CLEC5A: variants seen among roughly 807,000 people sequenced by gnomAD.
CLEC5A encodes C-type lectin domain family 5 member A.
In CLEC5A, 15 loss-of-function variants were observed where a neutral mutation model predicts 24.4. The ratio of observed to expected loss-of-function variants is 0.62; its 90% CI spans 0.41 to 0.95. The LOEUF (loss-of-function observed/expected upper bound fraction) is 0.95. Ranked by LOEUF, CLEC5A falls within the 40% of genes least tolerant of loss-of-function variation. The probability of loss-of-function intolerance (pLI) is 0.00; values close to 1 mark genes in which losing one functional copy is unlikely to be tolerated. For synonymous variants in CLEC5A, 71 were observed against 72.6 expected, an observed-to-expected ratio of 0.98 and a Z score of 0.11; for missense variants, 211 against 224.0, an observed-to-expected ratio of 0.94 and a Z score of 0.37.
intron 4 of CLEC5A, among the ~76,000 whole-genome samples, chr7:141,940,444 C>T (rs537038010): frequency 6.6e-6 from 1 of 151,094 alleles, no homozygotes; most frequent in African/African-American, 2.4e-5. Flanking sequence ...GAAGTTTATA[C>T]CTATAAGTGC....
chr7:141,935,097 G>T (rs2128960975), intron 5 of CLEC5A, among the ~76,000 whole-genome samples: 1 of 152,284 alleles, frequency 6.6e-6, no homozygotes, highest in Non-Finnish European at 1.5e-5. Flanking sequence ...ATTCAGAAAG[G>T]AGAAGTTCTT....
At chr7:141,931,634 G>C (rs782715095) in intron 6 of CLEC5A, 86 bp downstream of exon 6, 1 of 778,826 alleles carries the variant, frequency 1.3e-6, no homozygotes, top group Non-Finnish European at 2.4e-6. Flanking sequence ...CAGCGTTTGA[G>C]CTATTCCAGG....
intron 4 of CLEC5A, among the ~76,000 whole-genome samples, chr7:141,939,484 C>A (rs184466168): frequency 6.6e-6 from 1 of 151,520 alleles, no homozygotes; most frequent in African/African-American, 2.4e-5. Flanking sequence ...GAGAAAATCA[C>A]CTTCACTAAA....
chr7:141,942,203 A>C (rs1280688505), intron 4 of CLEC5A, among the ~76,000 whole-genome samples: 2 of 152,136 alleles, frequency 1.3e-5, no homozygotes, highest in Non-Finnish European at 2.9e-5. Flanking sequence ...TTAGTTACCA[A>C]AATGCCATGG....
At chr7:141,935,526 A>C (rs573407286) in intron 5 of CLEC5A, among the ~76,000 whole-genome samples, 1 of 152,320 alleles carries the variant, frequency 6.6e-6, no homozygotes, top group Non-Finnish European at 1.5e-5. Flanking sequence ...GCTTCACTTT[A>C]AATGTCTTGG....
Position 141,934,862 on chromosome 7 carries a change from A to G in CLEC5A, c.345+952T>C, listed in dbSNP as rs184416020. ...TGATGACCTTTTTCATCACCAAGGA[A>G]AAGGTACATGGATGTGTTTTGGTCA... On this transcript the variant is annotated intron_variant, in intron 5 of 6. Transcript: ENST00000546910. Among the ~76,000 whole-genome samples the G allele has an allele frequency of 1.1e-3, 165 of 152,118 alleles. 1 individual carries two copies. Among genetic ancestry groups the G allele is most frequent in the African/African-American group, 3.9e-3 (161 of 41,500 alleles).
rs147846624 is a variant in CLEC5A, at chr7:141,938,140, C to T, written c.209-2190G>A. On this transcript the variant is annotated intron_variant, in intron 4 of 6. Transcript: ENST00000546910. ...GATGAACATCCACAAGTATCAAGAC[C>T]ATTCAGGAAAACATGACCTCACCAG... 2.8e-3 allele frequency among the ~76,000 whole-genome samples: 420 copies of T among 152,236 alleles called. 1 individual carries two copies. The highest frequency in any genetic ancestry group is 0.01 in the Middle Eastern group (3 of 294).
chr7:141,941,018 C>T (rs1802780793), intron 4 of CLEC5A, among the ~76,000 whole-genome samples: 1 of 152,004 alleles, frequency 6.6e-6, no homozygotes, highest in African/African-American at 2.4e-5. Flanking sequence ...GAACTAATAC[C>T]AATCCTACTC....
In CLEC5A at chr7:141,946,250, G is replaced by T. The variant is rs868935524; in HGVS notation, c.43C>A (p.Leu15Ile). 6.4e-7 allele frequency: 1 copy of T among 1,572,442 alleles called. No homozygotes were observed. Among genetic ancestry groups the T allele is most frequent in the East Asian group, 2.3e-5 (1 of 43,494 alleles). The change falls in exon 2 of 7, where the codon CTT becomes ATT. Residue 15 changes from leucine (L) to isoleucine (I), a missense_variant. Physicochemically the swap from Leu to Ile is conservative, Grantham distance 5. Transcript: ENST00000546910. ...AATAAGGTCATTCCAACAACTTTAA[G>T]CACTACCACAATAAGCCCAGAGATG... ...MIISGLIVVV[L>I]KVVGMTLFLL...
chr7:141,932,848 A>G lies in CLEC5A; in HGVS notation c.346-1022T>C, dbSNP rs144399570. Among the ~76,000 whole-genome samples the G allele has an allele frequency of 7.0e-4, 106 of 152,350 alleles. 1 individual carries two copies. Among genetic ancestry groups the G allele is most frequent in the Middle Eastern group, 3.4e-3 (1 of 294 alleles). On this transcript the variant is annotated intron_variant, in intron 5 of 6. Coordinates refer to ENST00000546910, the MANE Select transcript of CLEC5A (RefSeq NM_013252.3). ...ACGGCTGCTTTCAAGTTACAACAGCAGAGACCAATGCCCTGAAAAGCTTAA... is the reference window on the plus strand; with the variant it reads ...ACGGCTGCTTTCAAGTTACAACAGCGGAGACCAATGCCCTGAAAAGCTTAA...
chr7:141,943,801 A>C (rs906962258), intron 4 of CLEC5A, 95 bp downstream of exon 4: 7 of 890,524 alleles, frequency 7.9e-6, no homozygotes, highest in Non-Finnish European at 1.3e-5. Context: ...TGAGCAAAAA[A>C]ATTCCATAAG....
chr7:141,932,044 G>T (rs1340043052), intron 5 of CLEC5A, among the ~76,000 whole-genome samples: 1 of 152,138 alleles, frequency 6.6e-6, no homozygotes, highest in Non-Finnish European at 1.5e-5. Context: ...CAGACTGCTG[G>T]GCTCCTGGTT....
chr7:141,943,197 G>A (rs1802850526), intron 4 of CLEC5A, among the ~76,000 whole-genome samples: 1 of 152,128 alleles, frequency 6.6e-6, no homozygotes, highest in African/African-American at 2.4e-5. Context: ...CAGATGAATG[G>A]ATAAAGAAGT....
chr7:141,932,101 G>A (rs1802487157), intron 5 of CLEC5A, among the ~76,000 whole-genome samples: 1 of 152,192 alleles, frequency 6.6e-6, no homozygotes, highest in Non-Finnish European at 1.5e-5. Flanking sequence ...TCTACAAAAT[G>A]CCCAGGTGAT....
At chr7:141,933,908 A>T (rs544064135) in intron 5 of CLEC5A, among the ~76,000 whole-genome samples, 1 of 152,218 alleles carries the variant, frequency 6.6e-6, no homozygotes, top group African/African-American at 2.4e-5. Flanking sequence ...GCAGCTGTGA[A>T]TGGGAGCGGC....
chr7:141,943,792 G>C, intron 4 of CLEC5A, 104 bp downstream of exon 4: 1 of 826,732 alleles, frequency 1.2e-6, no homozygotes, highest in Non-Finnish European at 2.1e-6. Context: ...TGGTCCCTTT[G>C]AGCAAAAAAA....
At chr7:141,942,953 A>G (rs1038881109) in intron 4 of CLEC5A, among the ~76,000 whole-genome samples, 3 of 152,218 alleles carry the variant, frequency 2.0e-5, no homozygotes, top group Admixed American at 6.5e-5. Flanking sequence ...TTTGGAGAAA[A>G]GAGAACCCTC....
At chr7:141,931,149 T>C (rs1050976393) in intron 6 of CLEC5A, among the ~76,000 whole-genome samples, 6 of 152,210 alleles carry the variant, frequency 3.9e-5, no homozygotes, top group African/African-American at 1.4e-4. Context: ...CTTTCTTAGA[T>C]AAAGAAGGCA....
At chr7:141,942,143 A>G (rs181594789) in intron 4 of CLEC5A, among the ~76,000 whole-genome samples, 1 of 152,248 alleles carries the variant, frequency 6.6e-6, no homozygotes, top group East Asian at 1.9e-4. Context: ...CAAAAAAATA[A>G]CAAAACTGGA....
Sources: gnomAD v4.1 joint callset for allele counts (sites outside exome capture counted in the v4.1 genomes callset) on GRCh38, gnomAD v4.1.1 for gene constraint, MANE v1.5 for transcripts, NCBI Gene and HGNC (gene_info 2026-07-23, HGNC 2026-07-21) for gene names.